ME1: variants seen among roughly 807,000 people sequenced by gnomAD.
ME1 encodes malic enzyme 1.
In ME1, 74 loss-of-function variants were observed where a neutral mutation model predicts 66.4. The observed-to-expected ratio is 1.11, with a 90% confidence interval of 0.92 to 1.35. The LOEUF is 1.35. Among genes scored for constraint, ME1 ranks in the 40% most tolerant of loss-of-function variants. The pLI is 0.00. For synonymous variants in ME1, 251 were observed against 235.6 expected (o/e 1.07, Z -0.60); for missense variants, 750 against 694.1 (o/e 1.08, Z -0.90).
chr6:83,401,309 T>C (rs549589091), intron 2 of ME1, among the ~76,000 whole-genome samples: 191 of 152,316 alleles, frequency 1.3e-3, no homozygotes, highest in African/African-American at 4.5e-3. Flanking sequence ...CACTGCAGCC[T>C]GGGCAATAGA....
At position 83,246,797 on chromosome 6, in the gene ME1, A is replaced by G. The variant is rs552522197; in HGVS notation, c.814+6832T>C. 9.9e-5 allele frequency among the ~76,000 whole-genome samples: 15 copies of G among 152,224 alleles called. No homozygotes were observed. In the South Asian group the frequency reaches 2.7e-3, roughly 27 times the overall value. On this transcript the variant is annotated intron_variant, in intron 7 of 13. Coordinates refer to ENST00000369705, the MANE Select transcript of ME1 (RefSeq NM_002395.6). ...GTTTTTGACACAAACTGGCTCCCCAAAAGTTGTATCAATCTATACTTCTAC... is the reference window on the plus strand; with the variant it reads ...GTTTTTGACACAAACTGGCTCCCCAGAAGTTGTATCAATCTATACTTCTAC...
At chr6:83,408,332 A>G (rs1279563626) in intron 1 of ME1, among the ~76,000 whole-genome samples, 2 of 152,192 alleles carry the variant, frequency 1.3e-5, no homozygotes, top group Non-Finnish European at 2.9e-5. Flanking sequence ...AATGCCTTAT[A>G]TGATTCTGAG....
At position 83,211,776 on chromosome 6, in the gene ME1, A is replaced by G. The variant is rs1177272849; in HGVS notation, c.*148T>C. On this transcript the variant is annotated 3_prime_UTR_variant, in exon 14 of 14. Transcript: ENST00000369705. Reference sequence around the variant, plus strand: ...TCTCATGTGATGTTTATCCCAATTTATATCGATATTCTTCTATCAATTTTT... The same window carrying G: ...TCTCATGTGATGTTTATCCCAATTTGTATCGATATTCTTCTATCAATTTTT... 3 of 516,526 alleles carry G rather than the reference A, an allele frequency of 5.8e-6. No individual in the cohort carries two copies. Among genetic ancestry groups the G allele is most frequent in the Non-Finnish European group, 9.4e-6 (3 of 318,686 alleles). 32.0% of individuals were successfully genotyped at this position (516,526 alleles called of 1,614,324 possible).
Position 83,421,145 on chromosome 6 carries a change from T to A in ME1, c.78+9732A>T, listed in dbSNP as rs961484054. Among the ~76,000 whole-genome samples, 8 of 152,230 alleles carry A rather than the reference T, an allele frequency of 5.3e-5. No individual in the cohort carries two copies. In the East Asian group the frequency reaches 1.5e-3, roughly 29 times the overall value. Reference sequence around the variant, plus strand: ...TATGTAGATATCAAAAAGGCAAAACTTCTTTCTAAATCCTTAGAACACAGA... The same window carrying A: ...TATGTAGATATCAAAAAGGCAAAACATCTTTCTAAATCCTTAGAACACAGA... On this transcript the variant is annotated intron_variant, in intron 1 of 13. Transcript: ENST00000369705.
intron 8 of ME1, among the ~76,000 whole-genome samples, chr6:83,238,075 A>C (rs1790448427): frequency 6.6e-6 from 1 of 152,182 alleles, no homozygotes; most frequent in African/African-American, 2.4e-5. Context: ...TAATACAACC[A>C]AGATTTGCTC....
At chr6:83,284,494 C>T (rs1460767847) in intron 6 of ME1, among the ~76,000 whole-genome samples, 2 of 151,960 alleles carry the variant, frequency 1.3e-5, no homozygotes, top group East Asian at 1.9e-4. Flanking sequence ...CAAAAATGCT[C>T]GACAAAATAC....
At chr6:83,227,299 T>G in intron 11 of ME1, 36 bp downstream of exon 11, 4 of 1,408,200 alleles carry the variant, frequency 2.8e-6, no homozygotes, top group Non-Finnish European at 3.8e-6. Context: ...GAATAAAAAT[T>G]TGATTATTAA....
intron 6 of ME1, among the ~76,000 whole-genome samples, chr6:83,290,280 C>T (rs891509104): frequency 2.6e-5 from 4 of 152,202 alleles, no homozygotes; most frequent in Admixed American, 6.5e-5. Flanking sequence ...TATAAATTTC[C>T]CTCTACACAC....
chr6:83,252,073 G>C (rs534864693), intron 7 of ME1, among the ~76,000 whole-genome samples: 1 of 152,158 alleles, frequency 6.6e-6, no homozygotes, highest in Non-Finnish European at 1.5e-5. Flanking sequence ...CACAGATTTT[G>C]ATGATAGGAA....
intron 4 of ME1, among the ~76,000 whole-genome samples, chr6:83,347,187 C>T (rs906384770): frequency 2.0e-5 from 3 of 152,060 alleles, no homozygotes; most frequent in Non-Finnish European, 4.4e-5. Flanking sequence ...CTCCTGACCT[C>T]GTGATCCACC....
At chr6:83,342,540 T>C (rs1768607158) in intron 5 of ME1, among the ~76,000 whole-genome samples, 1 of 152,238 alleles carries the variant, frequency 6.6e-6, no homozygotes, top group South Asian at 2.1e-4. Context: ...CTTTGATAGA[T>C]AGCAGATATT....
intron 3 of ME1, among the ~76,000 whole-genome samples, chr6:83,375,288 T>C (rs1015807312): frequency 6.6e-6 from 1 of 152,180 alleles, no homozygotes; most frequent in Non-Finnish European, 1.5e-5. Context: ...TGGTTTGTAG[T>C]TCTCCTTGAA....
intron 9 of ME1, among the ~76,000 whole-genome samples, chr6:83,236,447 G>A (rs780921393): frequency 8.5e-5 from 13 of 152,164 alleles, no homozygotes; most frequent in Non-Finnish European, 1.9e-4. Context: ...ACTAAATTCC[G>A]GAAGACACTG....
At chr6:83,329,955 A>C (rs1483968373) in intron 5 of ME1, among the ~76,000 whole-genome samples, 3 of 152,036 alleles carry the variant, frequency 2.0e-5, no homozygotes, top group Non-Finnish European at 4.4e-5. Context: ...CTCCCAAGTA[A>C]CTAGGACTAC....
intron 3 of ME1, among the ~76,000 whole-genome samples, chr6:83,369,024 T>C (rs1157483792): frequency 1.3e-5 from 2 of 152,172 alleles, no homozygotes. Flanking sequence ...TTTATTATTA[T>C]TAATATACTT....
At chr6:83,237,633 G>A in intron 9 of ME1, 84 bp downstream of exon 9, 1 of 646,766 alleles carries the variant, frequency 1.5e-6, no homozygotes, top group South Asian at 2.1e-5. Context: ...GTAAAGGGAG[G>A]TGGTAGAAAC....
intron 5 of ME1, among the ~76,000 whole-genome samples, chr6:83,327,516 A>G (rs1394727256): frequency 6.6e-6 from 1 of 152,186 alleles, no homozygotes; most frequent in Non-Finnish European, 1.5e-5. Flanking sequence ...AATAGACTCC[A>G]GTCTCCCATA....
chr6:83,398,377 G>GA lies in ME1; in HGVS notation c.351dup (p.Arg118SerfsTer35), dbSNP rs754886214. On this transcript the variant is annotated frameshift_variant, in exon 3 of 14. Coordinates refer to ENST00000369705, the MANE Select transcript of ME1 (RefSeq NM_002395.6). LOFTEE classifies it high-confidence loss of function. ...TAAAAGTTGACATACCTTGGCTTCC[G>GA]AAACACCAAACTATATTGTTGGCAA... The GA allele has an allele frequency of 1.3e-6, 2 of 1,573,218 alleles. No homozygotes were observed. Among genetic ancestry groups the GA allele is most frequent in the Non-Finnish European group, 1.7e-6 (2 of 1,165,532 alleles).
chr6:83,212,941 A>C (rs1457415418), intron 13 of ME1, among the ~76,000 whole-genome samples: 1 of 151,102 alleles, frequency 6.6e-6, no homozygotes, highest in Non-Finnish European at 1.5e-5. Flanking sequence ...CTATCTCCTC[A>C]GTGTCTTCAT....
Sources: gnomAD v4.1 joint callset for allele counts (sites outside exome capture counted in the v4.1 genomes callset) on GRCh38, gnomAD v4.1.1 for gene constraint, MANE v1.5 for transcripts, NCBI Gene and HGNC (gene_info 2026-07-23, HGNC 2026-07-21) for gene names.